XPO6: variants seen among roughly 807,000 people sequenced by gnomAD.
XPO6 encodes the protein exportin 6.
A neutral mutation model predicts 130.0 loss-of-function variants in XPO6; 3 were observed. That is an observed-to-expected ratio of 0.02 (90% confidence interval 0.01 to 0.06). The LOEUF (loss-of-function observed/expected upper bound fraction) is 0.06. Among genes scored for constraint, XPO6 ranks in the 10% least tolerant of loss-of-function variants. The probability of loss-of-function intolerance (pLI) is 1.00; values close to 1 mark genes in which losing one functional copy is unlikely to be tolerated. For synonymous variants in XPO6, 524 were observed against 548.9 expected (o/e 0.95, Z 0.63); for missense variants, 970 against 1,393.0 (o/e 0.70, Z 4.83).
At position 28,107,672 on chromosome 16, in the gene XPO6, G is replaced by C; in HGVS notation, c.2347C>G (p.Leu783Val). The stretch of plus-strand genomic sequence containing the variant: ...ACGCTGAGTGTCTGGTGGATAATCA[G>C]TTTGGCTGCAAATCAAGATGAGTTG... ...QRKMPLDDTK[L>V]IIHQTLSVLE... Residue 783 changes from leucine (L) to valine (V), a missense_variant, in exon 18 of 24, where the codon CTG (leucine) becomes GTG (valine). By Grantham distance (32) the Leu-to-Val change is conservative. Transcript: ENST00000304658. 1 of 1,613,840 alleles carries C rather than the reference G, an allele frequency of 6.2e-7. No individual in the cohort carries two copies. The highest frequency in any genetic ancestry group is 8.5e-7 in the Non-Finnish European group (1 of 1,179,934).
intron 1 of XPO6, among the ~76,000 whole-genome samples, chr16:28,199,769 C>T (rs1027693146): frequency 3.9e-5 from 6 of 152,044 alleles, no homozygotes; most frequent in East Asian, 3.9e-4. Flanking sequence ...TGGTCTCGAA[C>T]GCCTGACCTT....
At chr16:28,161,068 C>T (rs2043270503) in intron 6 of XPO6, among the ~76,000 whole-genome samples, 1 of 152,182 alleles carries the variant, frequency 6.6e-6, no homozygotes, top group African/African-American at 2.4e-5. Flanking sequence ...AGATATGCAA[C>T]TACAAATGAA....
intron 6 of XPO6, among the ~76,000 whole-genome samples, chr16:28,161,460 A>G (rs1469679414): frequency 1.3e-5 from 2 of 152,164 alleles, no homozygotes; most frequent in Non-Finnish European, 2.9e-5. Flanking sequence ...TCTATTCTTA[A>G]AAGTGGACTT....
At chr16:28,198,135 C>T (rs1249560183) in intron 1 of XPO6, among the ~76,000 whole-genome samples, 3 of 151,842 alleles carry the variant, frequency 2.0e-5, no homozygotes, top group Non-Finnish European at 2.9e-5. Context: ...CCATGCAATT[C>T]GGTATTATAA....
chr16:28,098,718 C>T, intron 23 of XPO6, 79 bp from the exon 24 acceptor site: 1 of 1,067,318 alleles, frequency 9.4e-7, no homozygotes, highest in South Asian at 1.5e-5. Flanking sequence ...ACTTCCATCC[C>T]AGAGTGTGCA....
chr16:28,163,514 C>T (rs1260424425), intron 6 of XPO6, among the ~76,000 whole-genome samples: 1 of 152,126 alleles, frequency 6.6e-6, no homozygotes, highest in African/African-American at 2.4e-5. Context: ...CCCCAATGGT[C>T]CAGGCAAAGA....
intron 6 of XPO6, among the ~76,000 whole-genome samples, chr16:28,160,620 G>A (rs982909827): frequency 1.3e-5 from 2 of 151,922 alleles, no homozygotes; most frequent in African/African-American, 4.8e-5. Flanking sequence ...TGTCTGGAGT[G>A]ATCAAATATT....
chr16:28,161,351 G>A (rs995228164), intron 6 of XPO6, among the ~76,000 whole-genome samples: 1 of 152,130 alleles, frequency 6.6e-6, no homozygotes, highest in Admixed American at 6.5e-5. Flanking sequence ...TTATGCTAAC[G>A]CTGGAAGAAC....
intron 5 of XPO6, among the ~76,000 whole-genome samples, 168 bp downstream of exon 5, chr16:28,169,582 C>A (rs1250055588): frequency 2.0e-5 from 3 of 152,182 alleles, no homozygotes; most frequent in Non-Finnish European, 4.4e-5. Context: ...ATTTTGTAGT[C>A]CTACTGTGTG....
At chr16:28,208,400 G>A (rs904551411) in intron 1 of XPO6, among the ~76,000 whole-genome samples, 6 of 152,140 alleles carry the variant, frequency 3.9e-5, no homozygotes, top group Non-Finnish European at 7.4e-5. Flanking sequence ...AAGACCCTCC[G>A]CCTGTAAGAC....
chr16:28,195,747 G>A (rs754024131), intron 1 of XPO6, among the ~76,000 whole-genome samples: 5 of 152,028 alleles, frequency 3.3e-5, no homozygotes, highest in Non-Finnish European at 5.9e-5. Context: ...AGAGAGACTC[G>A]TCTCAAAAAG....
chr16:28,165,265 CTT>C (rs2043339154), intron 6 of XPO6: 1 of 152,164 alleles, frequency 6.6e-6, no homozygotes, highest in Non-Finnish European at 1.5e-5. Flanking sequence ...AAAAAACAAA[CTT>C]AACTGTGGAT....
intron 1 of XPO6, among the ~76,000 whole-genome samples, chr16:28,187,809 C>T (rs2043719382): frequency 6.6e-6 from 1 of 151,580 alleles, no homozygotes; most frequent in African/African-American, 2.4e-5. Flanking sequence ...CTCAAGAATA[C>T]TGGTAATTCC....
intron 4 of XPO6, among the ~76,000 whole-genome samples, chr16:28,172,709 A>G (rs1355444391): frequency 1.3e-5 from 2 of 152,146 alleles, no homozygotes; most frequent in East Asian, 3.9e-4. Context: ...CAAAAACTGC[A>G]TAGATACCAC....
intron 14 of XPO6, among the ~76,000 whole-genome samples, chr16:28,117,946 G>A (rs575914368): frequency 6.6e-6 from 1 of 152,302 alleles, no homozygotes; most frequent in Admixed American, 6.5e-5. Context: ...AACTGAGGCG[G>A]CAAAGACTAT....
In XPO6 at chr16:28,133,953, G is replaced by A; in HGVS notation, c.1444-20C>T. The A allele has an allele frequency of 6.2e-7, 1 of 1,612,782 alleles. No homozygotes were observed. The highest frequency in any genetic ancestry group is 8.5e-7 in the Non-Finnish European group (1 of 1,179,258). On this transcript the variant is annotated intron_variant, in intron 10 of 23. Coordinates refer to ENST00000304658, the MANE Select transcript of XPO6 (RefSeq NM_015171.4). Reference sequence around the variant, plus strand: ...CTGCTGCTGTAGGGGAAGCACAGGAGAATCAGCTCTCCCAGAATCCTCTCA... The same window carrying A: ...CTGCTGCTGTAGGGGAAGCACAGGAAAATCAGCTCTCCCAGAATCCTCTCA...
chr16:28,136,584 T>G (rs2042782152), intron 9 of XPO6, among the ~76,000 whole-genome samples: 1 of 152,196 alleles, frequency 6.6e-6, no homozygotes, highest in Admixed American at 6.5e-5. Flanking sequence ...TTAAGAAGAC[T>G]TAGAAACTAA....
At chr16:28,202,498 G>A (rs2043969274) in intron 1 of XPO6, among the ~76,000 whole-genome samples, 3 of 152,176 alleles carry the variant, frequency 2.0e-5, no homozygotes, top group Admixed American at 2.0e-4. Context: ...CAGAGGGAAT[G>A]GAGGGAAAGG....
At chr16:28,177,175 C>A in intron 3 of XPO6, 45 bp downstream of exon 3, 1 of 1,391,590 alleles carries the variant, frequency 7.2e-7, no homozygotes, top group Non-Finnish European at 1.0e-6. Context: ...GGCAATAGAA[C>A]TACAAAATCC....
Sources: gnomAD v4.1 joint callset for allele counts (sites outside exome capture counted in the v4.1 genomes callset) on GRCh38, gnomAD v4.1.1 for gene constraint, MANE v1.5 for transcripts, NCBI Gene and HGNC (gene_info 2026-07-23, HGNC 2026-07-21) for gene names.